The following ASPSCR1 variants were observed in gnomAD, a reference collection of about 807,000 sequenced individuals.
ASPSCR1 encodes ASPSCR1 tether for SLC2A4, UBX domain containing.
ASPSCR1 carries 55 observed loss-of-function variants against 68.9 expected under a neutral mutation model. That is an observed-to-expected ratio of 0.80 (90% CI 0.64 to 1.00). The LOEUF (loss-of-function observed/expected upper bound fraction) is 1.00, where lower values mean the gene tolerates loss of function less well. Among genes scored for constraint, ASPSCR1 ranks in the 50% least tolerant of loss-of-function variants. ASPSCR1 has a pLI of 0.00. For synonymous variants in ASPSCR1, 352 were observed against 332.6 expected (o/e 1.06, Z -0.63); for missense variants, 765 against 762.2 (o/e 1.00, Z -0.04).
intron 3 of ASPSCR1, among the ~76,000 whole-genome samples, chr17:81,985,174 C>CCA (rs1350928597): frequency 6.6e-6 from 1 of 150,542 alleles, no homozygotes; most frequent in African/African-American, 2.4e-5. Context: ...CTGCACACAC[C>CCA]CACACACCAA....
Position 82,010,825 on chromosome 17 carries a change from C to A in ASPSCR1, c.1194C>A (p.Pro398=). The A allele has an allele frequency of 6.2e-7, 1 of 1,613,168 alleles. No homozygotes were observed. Among genetic ancestry groups the A allele is most frequent in the Non-Finnish European group, 8.5e-7 (1 of 1,179,908 alleles). Residue 398 remains proline, a synonymous_variant, in exon 10 of 16, where the codon CCC becomes CCA. Coordinates refer to ENST00000306739, the MANE Select transcript of ASPSCR1 (RefSeq NM_024083.4). ...YPKVALRVLF[P]DRYVLQGFFR... ...AGGTGGCTCTGAGGGTCCTGTTCCCCGACCGCTACGTCCTACAGGGCTTCT... is the reference window on the plus strand; with the variant it reads ...AGGTGGCTCTGAGGGTCCTGTTCCCAGACCGCTACGTCCTACAGGGCTTCT...
At chr17:82,000,770 G>T (rs920841215) in intron 7 of ASPSCR1, among the ~76,000 whole-genome samples, 1 of 152,200 alleles carries the variant, frequency 6.6e-6, no homozygotes, top group Admixed American at 6.5e-5. Flanking sequence ...TAGTTTTACT[G>T]GCGATCAGAA....
chr17:82,003,349 G>A (rs907997569), intron 7 of ASPSCR1, among the ~76,000 whole-genome samples: 2 of 152,236 alleles, frequency 1.3e-5, no homozygotes, highest in African/African-American at 4.8e-5. Context: ...TTGGGAGGCT[G>A]AGACGGGAGG....
Position 81,994,883 on chromosome 17 carries a change from G to GCGGC in ASPSCR1, c.432+7_432+10dup. 1 of 1,610,054 alleles carries GCGGC rather than the reference G, an allele frequency of 6.2e-7. No individual in the cohort carries two copies. The highest frequency in any genetic ancestry group is 8.5e-7 in the Non-Finnish European group (1 of 1,178,006). On this transcript the variant is annotated splice_donor_region_variant and intron_variant, in intron 5 of 15. Transcript: ENST00000306739. ...TGCGTGTACACGAGGGATGAGGTAG[G>GCGGC]CGGCCTGCTCTTGCTCACCCAGTCC...
At chr17:81,991,945 C>T (rs1199108654) in intron 4 of ASPSCR1, among the ~76,000 whole-genome samples, 3 of 152,364 alleles carry the variant, frequency 2.0e-5, no homozygotes, top group Admixed American at 1.3e-4. Flanking sequence ...CCCAGCGGGG[C>T]GGGGTTTGTG....
At chr17:81,994,100 T>C (rs915210692) in intron 4 of ASPSCR1, among the ~76,000 whole-genome samples, 3 of 152,252 alleles carry the variant, frequency 2.0e-5, no homozygotes, top group African/African-American at 7.2e-5. Flanking sequence ...GCTCTGGGGC[T>C]GGATGTGACG....
At chr17:81,989,755 G>A (rs2042102358) in intron 4 of ASPSCR1, among the ~76,000 whole-genome samples, 1 of 152,198 alleles carries the variant, frequency 6.6e-6, no homozygotes, top group African/African-American at 2.4e-5. Flanking sequence ...AGCGTCTCAA[G>A]CAGCAGGGGC....
intron 4 of ASPSCR1, among the ~76,000 whole-genome samples, chr17:81,992,467 G>T (rs2042201833): frequency 6.6e-6 from 1 of 152,216 alleles, no homozygotes; most frequent in South Asian, 2.1e-4. Context: ...GTGATTTGAG[G>T]TCCCCAAGCT....
At chr17:81,996,952 A>G in intron 7 of ASPSCR1, 106 bp downstream of exon 7, 1 of 1,506,948 alleles carries the variant, frequency 6.6e-7, no homozygotes, top group East Asian at 2.3e-5. Context: ...TGATGCGGGC[A>G]GAGGAACCCA....
At chr17:82,014,696 G>A in intron 12 of ASPSCR1, 1 of 257,598 alleles carries the variant, frequency 3.9e-6, no homozygotes. Flanking sequence ...GGAGGGGGCG[G>A]CCAGGCGCTG....
intron 3 of ASPSCR1, among the ~76,000 whole-genome samples, chr17:81,984,538 C>A (rs2144003128): frequency 6.6e-6 from 1 of 151,934 alleles, no homozygotes; most frequent in Middle Eastern, 3.4e-3. Context: ...GATTGTGCTG[C>A]CACTGCACTC....
At position 81,996,595 on chromosome 17, in the gene ASPSCR1, A is replaced by C; in HGVS notation, c.682A>C (p.Thr228Pro). Residue 228 changes from threonine to proline, a missense_variant, in exon 7 of 16, where the codon ACT becomes CCT. Thr to Pro is a conservative substitution (Grantham distance 38). Transcript: ENST00000306739. ...ADTSGPCCEH[T>P]QEKQSTRAPA... is the part of the protein sequence containing the mutation. ...CACCTCAGGGCCCTGCTGCGAGCAC[A>C]CTCAGGAGAAGCAGAGCACAAGGGC... 1 of 1,611,242 alleles carries C rather than the reference A, an allele frequency of 6.2e-7. No individual in the cohort carries two copies. The highest frequency in any genetic ancestry group is 2.2e-5 in the East Asian group (1 of 44,764).
intron 4 of ASPSCR1, among the ~76,000 whole-genome samples, chr17:81,994,057 C>G (rs935379986): frequency 7.2e-5 from 11 of 152,272 alleles, no homozygotes; most frequent in African/African-American, 2.7e-4. Context: ...GGCAAGCCCG[C>G]CTCATGCAGC....
chr17:81,996,128 G>A (rs1285944965), intron 6 of ASPSCR1, 63 bp downstream of exon 6: 34 of 1,487,126 alleles, frequency 2.3e-5, no homozygotes, highest in Non-Finnish European at 3.0e-5. Flanking sequence ...GGTCTCAAAG[G>A]AAAGGAGAAA....
At chr17:82,015,028 G>A in intron 12 of ASPSCR1, 1 of 1,546,402 alleles carries the variant, frequency 6.5e-7, no homozygotes, top group Non-Finnish European at 8.7e-7. Context: ...CCCTTCCCGG[G>A]CCCTGCTCTG....
In ASPSCR1 at chr17:81,996,557, C is replaced by G. The variant is rs111633399; in HGVS notation, c.644C>G (p.Pro215Arg). Reference sequence around the variant, plus strand: ...CTCAGCCGCGGCGACTTGAGCCGTCCGGAGGACGCGGACACCTCAGGGCCC... The same window carrying G: ...CTCAGCCGCGGCGACTTGAGCCGTCGGGAGGACGCGGACACCTCAGGGCCC... ...GELSRGDLSR[P>R]EDADTSGPCC... is the part of the protein sequence containing the mutation. Residue 215 changes from proline (P) to arginine (R), a missense_variant, in exon 7 of 16, where the codon CCG (proline) becomes CGG (arginine). Coordinates refer to ENST00000306739, the MANE Select transcript of ASPSCR1 (RefSeq NM_024083.4). 6.2e-7 allele frequency: 1 copy of G among 1,612,856 alleles called. No individual in the cohort carries two copies. Among genetic ancestry groups the G allele is most frequent in the Non-Finnish European group, 8.5e-7 (1 of 1,179,580 alleles).
intron 10 of ASPSCR1, among the ~76,000 whole-genome samples, chr17:82,011,220 T>G (rs2042927016): frequency 2.0e-5 from 3 of 149,610 alleles, no homozygotes. Flanking sequence ...GCTTGTGACC[T>G]GTACCCAGAC....
chr17:82,010,460 TGGAGC>T (rs1567990298), intron 9 of ASPSCR1, among the ~76,000 whole-genome samples: 1 of 133,420 alleles, frequency 7.5e-6, no homozygotes, highest in East Asian at 2.2e-4. Flanking sequence ...ACCCGGGAGG[TGGAGC>T]TTACAGTGAG....
At chr17:81,979,457 G>T (rs1232353160) in intron 2 of ASPSCR1, among the ~76,000 whole-genome samples, 2 of 152,210 alleles carry the variant, frequency 1.3e-5, no homozygotes, top group African/African-American at 4.8e-5. Context: ...GGCTCCAAGC[G>T]TTCTGTGGCT....
Sources: allele counts gnomAD v4.1 joint callset (sites outside exome capture counted in the v4.1 genomes callset), GRCh38; gene constraint gnomAD v4.1.1; transcripts MANE v1.5; gene names NCBI Gene and HGNC (gene_info 2026-07-23, HGNC 2026-07-21).